Variants in EEA1 observed in about 807,000 individuals in gnomAD.
EEA1 encodes the protein early endosome antigen 1, 162kD.
In EEA1, 111 loss-of-function variants were observed where a neutral mutation model predicts 209.2. The observed-to-expected ratio is 0.53, with a 90% CI of 0.45 to 0.62. EEA1 has a LOEUF of 0.62. EEA1 is among the 20% of genes least tolerant of loss of function. EEA1 has a pLI of 0.00. For synonymous variants in EEA1, 536 were observed against 540.6 expected, an observed-to-expected ratio of 0.99 and a Z score of 0.12; for missense variants, 1,343 against 1,530.8, an observed-to-expected ratio of 0.88 and a Z score of 2.05.
rs1475286928 is a variant in EEA1, at chr12:92,771,527, G to C, written c.*4484C>G. On this transcript the variant is annotated 3_prime_UTR_variant, in exon 29 of 29. Transcript: ENST00000322349. Reference sequence around the variant, plus strand: ...TGGAGGACAGTAACTATTGTTAATAGCTAAGAATAAATGAGGTGGAGGGGA... The same window carrying C: ...TGGAGGACAGTAACTATTGTTAATACCTAAGAATAAATGAGGTGGAGGGGA... 1 of 151,994 alleles carries C rather than the reference G, an allele frequency of 6.6e-6. No individual in the cohort carries two copies. The highest frequency in any genetic ancestry group is 1.5e-5 in the Non-Finnish European group (1 of 67,930). 9.4% of individuals were successfully genotyped at this position (151,994 alleles called of 1,614,324 possible).
chr12:92,873,250 G>A (rs1294835256), intron 2 of EEA1, among the ~76,000 whole-genome samples: 2 of 152,138 alleles, frequency 1.3e-5, no homozygotes, highest in Non-Finnish European at 2.9e-5. Context: ...TATTGTAAGT[G>A]CTCAACGAAT....
intron 1 of EEA1, among the ~76,000 whole-genome samples, chr12:92,915,470 AAAAACAAAAC>A (rs937587570): frequency 6.6e-6 from 1 of 151,528 alleles, no homozygotes; most frequent in African/African-American, 2.4e-5. Context: ...AACCTGTCTT[AAAAACAAAAC>A]AAAACAAAAC....
At chr12:92,787,785 G>T in intron 22 of EEA1, 82 bp downstream of exon 22, 4 of 1,088,536 alleles carry the variant, frequency 3.7e-6, no homozygotes, top group Non-Finnish European at 4.9e-6. Context: ...ACATTTCCTT[G>T]CCCATTTGGA....
At chr12:92,779,044 A>T in intron 25 of EEA1, 71 bp downstream of exon 25, 1 of 1,338,186 alleles carries the variant, frequency 7.5e-7, no homozygotes, top group Non-Finnish European at 1.0e-6. Flanking sequence ...TCTTATAAGT[A>T]GAACAGTCCT....
At position 92,771,081 on chromosome 12, in the gene EEA1, T is replaced by TA. The variant is rs1171256773; in HGVS notation, c.*4929dup. On this transcript the variant is annotated 3_prime_UTR_variant, in exon 29 of 29. Coordinates refer to ENST00000322349, the MANE Select transcript of EEA1 (RefSeq NM_003566.4). ...GGACTTCAAATTTCTTCAGAATTTT[T>TA]ATCATGAAAGGCAGTTTGAATAATT... 1.3e-5 allele frequency: 2 copies of TA among 151,950 alleles called. No homozygotes were observed. Among genetic ancestry groups the TA allele is most frequent in the African/African-American group, 4.8e-5 (2 of 41,430 alleles). The allele number at this position is 151,950 out of a possible 1,614,324, so 9.4% of individuals were successfully genotyped here.
intron 22 of EEA1, among the ~76,000 whole-genome samples, chr12:92,787,327 CCTT>C (rs1314125298): frequency 6.6e-6 from 1 of 152,074 alleles, no homozygotes; most frequent in Non-Finnish European, 1.5e-5. Flanking sequence ...TTCCCATTAT[CCTT>C]CAATTTAATA....
In EEA1 at chr12:92,784,231, T is replaced by C. The variant is rs147910538; in HGVS notation, c.3151-2096A>G. On this transcript the variant is annotated intron_variant, in intron 22 of 28. Transcript: ENST00000322349. The stretch of plus-strand genomic sequence containing the variant: ...CATCGCCCAAAAAGCAGAACAGCCA[T>C]GTAAAATGGAAGCTACACAGGGCAG... Among the ~76,000 whole-genome samples, 968 of 152,204 alleles carry C rather than the reference T, an allele frequency of 6.4e-3. 10 individuals are homozygous for C. The highest frequency in any genetic ancestry group is 0.022 in the African/African-American group (913 of 41,530).
At chr12:92,814,667 T>C (rs1365809572) in intron 15 of EEA1, among the ~76,000 whole-genome samples, 1 of 152,170 alleles carries the variant, frequency 6.6e-6, no homozygotes, top group Non-Finnish European at 1.5e-5. Context: ...TTATAGGCAA[T>C]GACTAAGTAC....
intron 24 of EEA1, 73 bp downstream of exon 24, chr12:92,780,207 A>G: frequency 7.0e-7 from 1 of 1,438,832 alleles, no homozygotes; most frequent in East Asian, 2.5e-5. Flanking sequence ...ATAAATAAAT[A>G]TGTATGGGTA....
At chr12:92,777,273 T>C (rs1055283871) in intron 27 of EEA1, among the ~76,000 whole-genome samples, 3 of 152,058 alleles carry the variant, frequency 2.0e-5, no homozygotes, top group South Asian at 2.1e-4. Flanking sequence ...TACTGACTCA[T>C]ATATTCTTTG....
intron 1 of EEA1, 118 bp downstream of exon 1, chr12:92,928,925 C>G (rs1339743444): frequency 2.7e-6 from 3 of 1,116,410 alleles, no homozygotes; most frequent in Non-Finnish European, 3.8e-6. Flanking sequence ...AAGCGCCTGC[C>G]GGGCTGTGGG....
chr12:92,889,082 G>A (rs1315384586), intron 2 of EEA1, among the ~76,000 whole-genome samples: 2 of 151,884 alleles, frequency 1.3e-5, no homozygotes, highest in Non-Finnish European at 2.9e-5. Flanking sequence ...ATCCTGGGAG[G>A]TGGAGATTGC....
At chr12:92,883,382 G>T (rs909472485) in intron 2 of EEA1, among the ~76,000 whole-genome samples, 1 of 152,132 alleles carries the variant, frequency 6.6e-6, no homozygotes, top group Admixed American at 6.6e-5. Flanking sequence ...TAACTCTGTC[G>T]ATAGTTTCTT....
chr12:92,919,145 A>C (rs966897346), intron 1 of EEA1, among the ~76,000 whole-genome samples: 4 of 151,742 alleles, frequency 2.6e-5, no homozygotes, highest in Non-Finnish European at 5.9e-5. Flanking sequence ...AGATGGATTC[A>C]CAGCCAAATT....
chr12:92,859,081 G>A (rs1200307948), intron 3 of EEA1: 17 of 824,596 alleles, frequency 2.1e-5, no homozygotes, highest in Non-Finnish European at 3.2e-5. Flanking sequence ...ATCTATCTCT[G>A]TTTTCCATTA....
In EEA1 at chr12:92,929,053, A is replaced by T. The variant is rs1251664254; in HGVS notation, c.14T>A (p.Ile5Asn). ...GTTTCACTCTCTTACCCTCTGTAAAATCCTCCTTAACATGGTTTAACCACC... is the reference window on the plus strand; with the variant it reads ...GTTTCACTCTCTTACCCTCTGTAAATTCCTCCTTAACATGGTTTAACCACC... MLRR[I>N]LQRTPGRVGS... Residue 5 changes from isoleucine to asparagine, a missense_variant, in exon 1 of 29, where the codon ATT (isoleucine) becomes AAT (asparagine). Transcript: ENST00000322349. 2 of 1,595,852 alleles carry T rather than the reference A, an allele frequency of 1.3e-6. No individual in the cohort carries two copies. The highest frequency in any genetic ancestry group is 8.5e-7 in the Non-Finnish European group (1 of 1,172,016).
At chr12:92,819,224 G>T in intron 14 of EEA1, 84 bp downstream of exon 14, 1 of 1,219,456 alleles carries the variant, frequency 8.2e-7, no homozygotes, top group Non-Finnish European at 1.1e-6. Flanking sequence ...GAGCAAGAAT[G>T]AAGAATCATT....
chr12:92,923,505 T>C (rs555710795), intron 1 of EEA1, among the ~76,000 whole-genome samples: 1 of 152,226 alleles, frequency 6.6e-6, no homozygotes. Context: ...ATTTGTCTGG[T>C]TCCTATCTCT....
At chr12:92,863,795 CAATTA>C (rs1302001913) in intron 3 of EEA1, among the ~76,000 whole-genome samples, 1 of 152,144 alleles carries the variant, frequency 6.6e-6, no homozygotes, top group Admixed American at 6.5e-5. Flanking sequence ...AGTCAGGCTT[CAATTA>C]ACTAAAACAC....
Sources: allele counts gnomAD v4.1 joint callset (sites outside exome capture counted in the v4.1 genomes callset), GRCh38; gene constraint gnomAD v4.1.1; transcripts MANE v1.5; gene names NCBI Gene and HGNC (gene_info 2026-07-23, HGNC 2026-07-21).